TAFA1: variants seen among roughly 807,000 people sequenced by gnomAD.
TAFA1 encodes the protein TAFA chemokine like family member 1.
TAFA1 carries 4 observed loss-of-function variants against 18.5 expected under a neutral mutation model. That is an observed-to-expected ratio of 0.22 (90% confidence interval 0.11 to 0.49). TAFA1 has a LOEUF of 0.49. TAFA1 is among the 20% of genes least tolerant of loss of function. The pLI is 0.98. For synonymous variants in TAFA1, 56 were observed against 55.2 expected (o/e 1.01, Z -0.06); for missense variants, 147 against 169.0 (o/e 0.87, Z 0.72).
intron 2 of TAFA1, among the ~76,000 whole-genome samples, chr3:68,013,745 C>A (rs1349004): frequency 0.69 from 104,279 of 152,004 alleles, 35,979 homozygotes; most frequent in East Asian, 0.81. Flanking sequence ...AAAGATAATA[C>A]CCTCAAAGCA....
At chr3:68,335,774 G>C (rs1315150066) in intron 2 of TAFA1, among the ~76,000 whole-genome samples, 2 of 152,164 alleles carry the variant, frequency 1.3e-5, no homozygotes, top group African/African-American at 4.8e-5. Context: ...TGAACACCCA[G>C]TTGCCGCTGA....
At chr3:68,175,914 C>G (rs1295110196) in intron 2 of TAFA1, among the ~76,000 whole-genome samples, 1 of 152,136 alleles carries the variant, frequency 6.6e-6, no homozygotes, top group Non-Finnish European at 1.5e-5. Context: ...TGGGAGGTAA[C>G]TGAATCATGA....
rs114324821 is a variant in TAFA1, at chr3:68,129,556, C to T, written c.118+122812C>T. On this transcript the variant is annotated intron_variant, in intron 2 of 4. Transcript: ENST00000478136. ...ATCCCTTTCCATTTTATTCTGAGAC[C>T]AATGCCTTATGTCTTGGACCTAGGC... Among the ~76,000 whole-genome samples, 1,245 of 152,234 alleles carry T rather than the reference C, an allele frequency of 8.2e-3. 22 individuals carry two copies. The highest frequency in any genetic ancestry group is 0.028 in the African/African-American group (1,173 of 41,532).
At chr3:68,395,749 TGAACAATTA>T (rs2070370108) in intron 2 of TAFA1, among the ~76,000 whole-genome samples, 1 of 152,050 alleles carries the variant, frequency 6.6e-6, no homozygotes, top group Non-Finnish European at 1.5e-5. Context: ...AAGTGAGAGT[TGAACAATTA>T]GAACATATGG....
At chr3:68,200,395 T>C (rs1043553107) in intron 2 of TAFA1, among the ~76,000 whole-genome samples, 1 of 151,646 alleles carries the variant, frequency 6.6e-6, no homozygotes, top group East Asian at 1.9e-4. Flanking sequence ...TAAAAGAGAT[T>C]GTAAAGAATT....
At chr3:68,107,769 GAC>G (rs1479971338) in intron 2 of TAFA1, among the ~76,000 whole-genome samples, 1 of 152,068 alleles carries the variant, frequency 6.6e-6, no homozygotes, top group Admixed American at 6.6e-5. Flanking sequence ...CTGATACTCT[GAC>G]ATAGCACCAA....
intron 2 of TAFA1, among the ~76,000 whole-genome samples, chr3:68,200,232 G>T (rs2066455586): frequency 1.3e-5 from 2 of 151,472 alleles, no homozygotes; most frequent in Admixed American, 1.3e-4. Flanking sequence ...GAATTTGATT[G>T]GATAATTTCT....
chr3:68,275,155 C>T (rs2107241534), intron 2 of TAFA1, among the ~76,000 whole-genome samples: 2 of 151,900 alleles, frequency 1.3e-5, no homozygotes. Context: ...ATGGCAGGTA[C>T]TGGGGTGATA....
chr3:68,024,805 G>GCACACACACACACACACACACACA (rs3037727), intron 2 of TAFA1, among the ~76,000 whole-genome samples: 1 of 73,582 alleles, frequency 1.4e-5, no homozygotes, highest in Non-Finnish European at 2.8e-5. Flanking sequence ...TCTCCTTAAT[G>GCACACACACACACACACACACACA]CACACACACA....
chr3:68,452,565 G>C (rs886221909), intron 3 of TAFA1, among the ~76,000 whole-genome samples: 55 of 145,022 alleles, frequency 3.8e-4, no homozygotes, highest in African/African-American at 1.4e-3. Flanking sequence ...AACCTGGTAA[G>C]AACATGTCTA....
At chr3:68,535,272 T>C (rs1340843291) in intron 3 of TAFA1, among the ~76,000 whole-genome samples, 1 of 152,122 alleles carries the variant, frequency 6.6e-6, no homozygotes, top group African/African-American at 2.4e-5. Context: ...TTGCTTCTCT[T>C]ATGTAATATT....
At chr3:68,329,229 T>G (rs568018083) in intron 2 of TAFA1, among the ~76,000 whole-genome samples, 1 of 144,762 alleles carries the variant, frequency 6.9e-6, no homozygotes, top group South Asian at 2.3e-4. Flanking sequence ...TTTTTTTTTT[T>G]TTTTTTTTTT....
chr3:68,254,846 T>G (rs2067268079), intron 2 of TAFA1, among the ~76,000 whole-genome samples: 1 of 152,106 alleles, frequency 6.6e-6, no homozygotes. Context: ...TAGAGAATGC[T>G]AAATTAATCC....
chr3:68,287,701 T>G (rs747883924), intron 2 of TAFA1, among the ~76,000 whole-genome samples: 1 of 152,082 alleles, frequency 6.6e-6, no homozygotes, highest in Non-Finnish European at 1.5e-5. Flanking sequence ...AGGAAATTAT[T>G]TTAACAGTGG....
intron 3 of TAFA1, among the ~76,000 whole-genome samples, chr3:68,515,821 G>A (rs552857663): frequency 2.0e-5 from 3 of 152,258 alleles, no homozygotes; most frequent in South Asian, 2.1e-4. Flanking sequence ...TACACTTAGG[G>A]TTTACTCAAC....
chr3:68,433,467 C>T (rs2071215640), intron 3 of TAFA1, among the ~76,000 whole-genome samples: 1 of 152,072 alleles, frequency 6.6e-6, no homozygotes, highest in Admixed American at 6.6e-5. Context: ...TCTTGTTCTT[C>T]CCTCTTTGGA....
intron 3 of TAFA1, among the ~76,000 whole-genome samples, chr3:68,462,103 A>G (rs2071794455): frequency 6.6e-6 from 1 of 152,160 alleles, no homozygotes; most frequent in African/African-American, 2.4e-5. Context: ...AAAAGCTTAG[A>G]AGATTTTTGG....
At chr3:68,125,996 G>A (rs937994328) in intron 2 of TAFA1, among the ~76,000 whole-genome samples, 5 of 152,058 alleles carry the variant, frequency 3.3e-5, no homozygotes, top group African/African-American at 1.2e-4. Flanking sequence ...AACCCCTGAC[G>A]CCTGCAACAG....
chr3:68,138,123 A>G (rs1416340994), intron 2 of TAFA1, among the ~76,000 whole-genome samples: 1 of 152,194 alleles, frequency 6.6e-6, no homozygotes, highest in East Asian at 1.9e-4. Context: ...CTACTTAACA[A>G]TCATCGAGAG....
Sources: allele counts gnomAD v4.1 joint callset (sites outside exome capture counted in the v4.1 genomes callset), GRCh38; gene constraint gnomAD v4.1.1; transcripts MANE v1.5; gene names NCBI Gene and HGNC (gene_info 2026-07-23, HGNC 2026-07-21).